PGR: variants seen among roughly 807,000 people sequenced by gnomAD.
PGR encodes the protein nuclear receptor subfamily 3 group C member 3.
Under a neutral mutation model 76.1 loss-of-function variants are expected in PGR, and 25 were observed. The ratio of observed to expected loss-of-function variants is 0.33; its 90% CI spans 0.24 to 0.46. PGR has a LOEUF of 0.46. Ranked by LOEUF, PGR falls within the 20% of genes least tolerant of loss-of-function variation. The probability of loss-of-function intolerance (pLI) is 1.00; values close to 1 mark genes in which losing one functional copy is unlikely to be tolerated. For missense variants in PGR, 1,172 were observed against 1,225.3 expected (o/e 0.96, Z 0.65); for synonymous variants, 579 against 535.0 (o/e 1.08, Z -1.14).
rs569971481 is a variant in PGR, at chr11:101,127,383, C to A, written c.1637+51G>T. 3.6e-5 allele frequency: 49 copies of A among 1,380,124 alleles called. No individual in the cohort carries two copies. In the South Asian group the frequency reaches 6.7e-4, roughly 19 times the overall value. The allele number at this position is 1,380,124 out of a possible 1,614,324, so 85.5% of individuals were successfully genotyped here. ...GAGGGTTGGCGGCCGCCGCCGCCAA[C>A]GGAACCGCTACTCCCGGACGCGCTG... On this transcript the variant is annotated intron_variant, in intron 1 of 7. Transcript: ENST00000325455.
intron 3 of PGR, among the ~76,000 whole-genome samples, chr11:101,064,331 CAAAAAAAAAAAAAAAAAAAAAAAAA>C (rs10556132): frequency 2.8e-4 from 11 of 39,450 alleles, no homozygotes; most frequent in East Asian, 1.5e-3. Flanking sequence ...AACTCCACCT[CAAAAAAAAAAAAAAAAAAAAAAAAA>C]AAAAAAAAAA....
At chr11:101,085,906 T>C (rs1861483251) in intron 3 of PGR, among the ~76,000 whole-genome samples, 1 of 152,040 alleles carries the variant, frequency 6.6e-6, no homozygotes, top group Non-Finnish European at 1.5e-5. Context: ...AGGAAAAAAC[T>C]AAAGCACTGA....
Position 101,038,290 on chromosome 11 carries a change from G to C in PGR, c.*826C>G, listed in dbSNP as rs1424771399. ...CTACTTTCAAAGGTGAGAGAATTGAGAATCAGTAAGAGTGACTAACTTTCA... is the reference window on the plus strand; with the variant it reads ...CTACTTTCAAAGGTGAGAGAATTGACAATCAGTAAGAGTGACTAACTTTCA... On this transcript the variant is annotated 3_prime_UTR_variant, in exon 8 of 8. Coordinates refer to ENST00000325455, the MANE Select transcript of PGR (RefSeq NM_000926.4). 1 of 201,978 alleles carries C rather than the reference G, an allele frequency of 5.0e-6. No individual in the cohort carries two copies. Among genetic ancestry groups the C allele is most frequent in the Non-Finnish European group, 1.0e-5 (1 of 98,294 alleles). The allele number at this position is 201,978 out of a possible 1,614,324, so 12.5% of individuals were successfully genotyped here.
At chr11:101,108,036 T>C (rs1272420747) in intron 2 of PGR, among the ~76,000 whole-genome samples, 1 of 151,742 alleles carries the variant, frequency 6.6e-6, no homozygotes, top group Non-Finnish European at 1.5e-5. Flanking sequence ...GGCAGATCAC[T>C]TAAGGTCAGG....
chr11:101,120,244 A>G (rs760101889), intron 2 of PGR, among the ~76,000 whole-genome samples: 1 of 152,202 alleles, frequency 6.6e-6, no homozygotes, highest in Non-Finnish European at 1.5e-5. Flanking sequence ...GTGCATGTCA[A>G]AGACAGGGTC....
intron 1 of PGR, chr11:101,126,893 G>C (rs1267806824): frequency 1.3e-5 from 2 of 152,650 alleles, no homozygotes; most frequent in Admixed American, 1.3e-4. Context: ...TAAGAAAACT[G>C]AGCCACTGAA....
chr11:101,127,162 A>G (rs975711416), intron 1 of PGR: 2 of 279,600 alleles, frequency 7.2e-6, no homozygotes, highest in Admixed American at 5.3e-5. Flanking sequence ...GAAGATTCGG[A>G]AAGTTAAAAA....
intron 4 of PGR, among the ~76,000 whole-genome samples, chr11:101,058,469 G>A (rs1860371528): frequency 1.3e-5 from 2 of 152,108 alleles, no homozygotes; most frequent in African/African-American, 4.8e-5. Context: ...TTCAAAAGCA[G>A]AAAAATGAGG....
intron 3 of PGR, among the ~76,000 whole-genome samples, chr11:101,085,512 C>T (rs901722313): frequency 2.7e-5 from 3 of 109,898 alleles, no homozygotes; most frequent in African/African-American, 9.6e-5. Context: ...CCTAACATCA[C>T]ACCTAGAGGA....
rs1302681584 is a variant in PGR, at chr11:101,128,046, G to T, written c.1025C>A (p.Pro342Gln). The T allele has an allele frequency of 6.2e-7, 1 of 1,604,882 alleles. No individual in the cohort carries two copies. The highest frequency in any genetic ancestry group is 1.1e-5 in the South Asian group (1 of 91,064). The change falls in exon 1 of 8, where the codon CCG becomes CAG. Residue 342 changes from proline to glutamine, a missense_variant. Transcript: ENST00000325455. The stretch of plus-strand genomic sequence containing the variant: ...GGACGAGGCACAGGGTGAACTCCGC[G>T]GCGGGGCAAAGGCGCTGGCAGCCCC... The part of the protein sequence containing the change: ...GAGAASAFAP[P>Q]RSSPCASSTP...
chr11:101,066,807 T>C (rs1860732716), intron 3 of PGR, among the ~76,000 whole-genome samples: 1 of 152,176 alleles, frequency 6.6e-6, no homozygotes, highest in African/African-American at 2.4e-5. Context: ...TGGATAACCA[T>C]GAAAATATAA....
At chr11:101,047,521 T>C (rs1859931823) in intron 6 of PGR, among the ~76,000 whole-genome samples, 1 of 152,178 alleles carries the variant, frequency 6.6e-6, no homozygotes, top group Non-Finnish European at 1.5e-5. Flanking sequence ...TTCATCCCTG[T>C]CTTTGCATAA....
Position 101,032,578 on chromosome 11 carries a change from T to C in PGR, c.*6538A>G. ...TCTTTGGAATCCCTCCTGTTTGGAA[T>C]ACTCTTCTCTTCTTGCCTTTGGCAT... is the stretch of plus-strand genomic sequence containing the variant. On this transcript the variant is annotated 3_prime_UTR_variant, in exon 8 of 8. Transcript: ENST00000325455. 1 of 230,610 alleles carries C rather than the reference T, an allele frequency of 4.3e-6. No homozygotes were observed. The highest frequency in any genetic ancestry group is 8.6e-6 in the Non-Finnish European group (1 of 116,386). The allele number at this position is 230,610 out of a possible 1,614,324, so 14.3% of individuals were successfully genotyped here.
At chr11:101,051,308 C>T in intron 5 of PGR, 116 bp downstream of exon 5, 1 of 693,926 alleles carries the variant, frequency 1.4e-6, no homozygotes, top group Non-Finnish European at 2.5e-6. Flanking sequence ...CGTAAAATGA[C>T]AGTAATGTCA....
At position 101,076,072 on chromosome 11, in the gene PGR, T is replaced by C. The variant is rs867287233; in HGVS notation, c.1907-13320A>G. On this transcript the variant is annotated intron_variant, in intron 3 of 7. Transcript: ENST00000325455. ...AGTAAAGATTTGGAGCCAACCCAAA[T>C]GCCCATCAATGATAGACTGGATAAA... Among the ~76,000 whole-genome samples the C allele has an allele frequency of 3.3e-4, 51 of 152,282 alleles. 1 individual carries two copies. The highest frequency in any genetic ancestry group is 3.4e-3 in the Middle Eastern group (1 of 294).
chr11:101,117,172 C>T (rs1287913562), intron 2 of PGR, among the ~76,000 whole-genome samples: 2 of 152,134 alleles, frequency 1.3e-5, no homozygotes, highest in African/African-American at 2.4e-5. Context: ...AAACTATCTT[C>T]AGATTCTCCA....
intron 2 of PGR, among the ~76,000 whole-genome samples, chr11:101,105,310 C>T (rs1370567336): frequency 6.6e-6 from 1 of 152,092 alleles, no homozygotes; most frequent in Non-Finnish European, 1.5e-5. Context: ...GACTCTCAAC[C>T]TCTGGAATCT....
At position 101,038,130 on chromosome 11, in the gene PGR, A is replaced by C. The variant is rs1859571868; in HGVS notation, c.*986T>G. The C allele has an allele frequency of 1.0e-5, 2 of 193,844 alleles. No individual in the cohort carries two copies. The highest frequency in any genetic ancestry group is 1.6e-4 in the East Asian group (2 of 12,296). The allele number at this position is 193,844 out of a possible 1,614,324, so 12.0% of individuals were successfully genotyped here. A position where few individuals can be genotyped will look rare whatever the true frequency, so the allele number is the denominator to read the frequency against. ...CTGAAACATAATATGAATTCATGAT[A>C]GTGGAGGATAAAGAGGAGAAAGGTA... On this transcript the variant is annotated 3_prime_UTR_variant, in exon 8 of 8. Coordinates refer to ENST00000325455, the MANE Select transcript of PGR (RefSeq NM_000926.4).
intron 2 of PGR, among the ~76,000 whole-genome samples, chr11:101,117,287 A>G (rs367552514): frequency 1.3e-5 from 2 of 152,146 alleles, no homozygotes; most frequent in South Asian, 2.1e-4. Flanking sequence ...CCTTCTTCAT[A>G]CTTCTGTGGG....
Sources: gnomAD v4.1 joint callset for allele counts (sites outside exome capture counted in the v4.1 genomes callset) on GRCh38, gnomAD v4.1.1 for gene constraint, MANE v1.5 for transcripts, NCBI Gene and HGNC (gene_info 2026-07-23, HGNC 2026-07-21) for gene names.